The following PKIB variants were observed in gnomAD, a reference collection of about 807,000 sequenced individuals.
The protein encoded by PKIB is cAMP-dependent protein kinase inhibitor beta.
In PKIB, 2 loss-of-function variants were observed where a neutral mutation model predicts 4.5. The observed-to-expected ratio is 0.44, with a 90% CI of 0.18 to 1.39. The LOEUF (loss-of-function observed/expected upper bound fraction) is 1.39, where lower values mean the gene tolerates loss of function less well. Among genes scored for constraint, PKIB ranks in the 40% most tolerant of loss-of-function variants. PKIB has a pLI of 0.27. For missense variants in PKIB, 94 were observed against 92.6 expected (o/e 1.02, Z -0.06); for synonymous variants, 38 against 36.0 (o/e 1.06, Z -0.20).
At chr6:122,473,444 C>T (rs1775364224) in intron 1 of PKIB, among the ~76,000 whole-genome samples, 2 of 152,070 alleles carry the variant, frequency 1.3e-5, no homozygotes, top group African/African-American at 4.8e-5. Context: ...GAGTTAAATA[C>T]AAAAGTCATA....
At chr6:122,690,928 A>AT (rs1191940583) in intron 3 of PKIB, among the ~76,000 whole-genome samples, 32 of 93,128 alleles carry the variant, frequency 3.4e-4, no homozygotes, top group African/African-American at 1.0e-3. Flanking sequence ...ATATATATAT[A>AT]TATATTTTTT....
At chr6:122,567,936 G>T (rs1773241590) in intron 2 of PKIB, among the ~76,000 whole-genome samples, 1 of 152,094 alleles carries the variant, frequency 6.6e-6, no homozygotes, top group Non-Finnish European at 1.5e-5. Context: ...GTTTAAAGTT[G>T]CATTACAGTT....
At chr6:122,659,009 A>C (rs1234684711) in intron 2 of PKIB, among the ~76,000 whole-genome samples, 1 of 151,904 alleles carries the variant, frequency 6.6e-6, no homozygotes, top group Non-Finnish European at 1.5e-5. Context: ...ATTATTAATC[A>C]AAGCAACTTT....
At chr6:122,622,787 G>A (rs535370965) in intron 1 of PKIB, among the ~76,000 whole-genome samples, 300 of 149,022 alleles carry the variant, frequency 2.0e-3, no homozygotes, top group African/African-American at 7.0e-3. Flanking sequence ...TTCTTAGTAA[G>A]TATCTGACCT....
At chr6:122,663,854 A>C (rs1004938538) in intron 2 of PKIB, among the ~76,000 whole-genome samples, 2 of 152,202 alleles carry the variant, frequency 1.3e-5, no homozygotes, top group African/African-American at 4.8e-5. Context: ...GATGCAACCC[A>C]TAACACCATA....
At chr6:122,510,601 G>A (rs867254838) in intron 2 of PKIB, among the ~76,000 whole-genome samples, 22 of 152,288 alleles carry the variant, frequency 1.4e-4, no homozygotes, top group East Asian at 1.9e-4. Flanking sequence ...GAATTACAGC[G>A]TTGACTGCTT....
chr6:122,494,449 A>G (rs1294172457), intron 2 of PKIB, among the ~76,000 whole-genome samples: 1 of 152,228 alleles, frequency 6.6e-6, no homozygotes, highest in African/African-American at 2.4e-5. Flanking sequence ...GCTATGGCAC[A>G]AGGGTTTAAA....
intron 2 of PKIB, among the ~76,000 whole-genome samples, chr6:122,663,743 C>A (rs1372739139): frequency 3.9e-5 from 6 of 152,172 alleles, no homozygotes; most frequent in Non-Finnish European, 8.8e-5. Flanking sequence ...TCCAGTGTGA[C>A]CTCATCTTAA....
chr6:122,566,618 C>T (rs1395709046), intron 2 of PKIB, among the ~76,000 whole-genome samples: 1 of 148,412 alleles, frequency 6.7e-6, no homozygotes, highest in African/African-American at 2.5e-5. Context: ...TAATTCCTCC[C>T]TTCCTCCCTT....
At chr6:122,686,946 C>T (rs1381719418) in intron 3 of PKIB, among the ~76,000 whole-genome samples, 1 of 152,066 alleles carries the variant, frequency 6.6e-6, no homozygotes, top group Admixed American at 6.6e-5. Context: ...TGTTTCCTTT[C>T]CTGTGAAGAA....
chr6:122,722,617 T>C (rs1329718759), intron 4 of PKIB, among the ~76,000 whole-genome samples: 2 of 152,238 alleles, frequency 1.3e-5, no homozygotes, highest in African/African-American at 4.8e-5. Context: ...TTGTATTTCA[T>C]ATGGTTATAG....
intron 2 of PKIB, among the ~76,000 whole-genome samples, chr6:122,534,522 G>T (rs974402644): frequency 6.6e-6 from 1 of 152,142 alleles, no homozygotes; most frequent in Non-Finnish European, 1.5e-5. Flanking sequence ...ACATGGCACT[G>T]TGGTAGAAGG....
chr6:122,479,914 T>C (rs1490217154), intron 2 of PKIB: 1 of 152,056 alleles, frequency 6.6e-6, no homozygotes, highest in African/African-American at 2.4e-5. Context: ...AGTGAAAAGG[T>C]CCAACAGAGC....
At chr6:122,693,835 G>C (rs772364479) in intron 3 of PKIB, among the ~76,000 whole-genome samples, 2 of 152,154 alleles carry the variant, frequency 1.3e-5, no homozygotes, top group African/African-American at 2.4e-5. Flanking sequence ...AACTGATTTA[G>C]TGGTGAACTT....
rs1210629019 is a variant in PKIB at position 122,690,932 on chromosome 6, A to ATT, written c.-9+15802_-9+15803dup. 3.8e-3 allele frequency among the ~76,000 whole-genome samples: 521 copies of ATT among 138,750 alleles called. 4 individuals are homozygous for ATT. The highest frequency in any genetic ancestry group is 0.011 in the Middle Eastern group (3 of 268). The allele number at this position is 138,750 out of a possible 152,430, so 91.0% of individuals were successfully genotyped here. ...GCTTGAAGGATATATATATATATATATTTTTTTTTTTTTTTGCCAAATATA... is the reference window on the plus strand; with the variant it reads ...GCTTGAAGGATATATATATATATATATTTTTTTTTTTTTTTTTGCCAAATATA... On this transcript the variant is annotated intron_variant, in intron 3 of 4. Coordinates refer to ENST00000368452, the MANE Select transcript of PKIB (RefSeq NM_181795.3).
At chr6:122,491,918 C>T (rs1438198063) in intron 2 of PKIB, among the ~76,000 whole-genome samples, 1 of 152,114 alleles carries the variant, frequency 6.6e-6, no homozygotes, top group Admixed American at 6.6e-5. Flanking sequence ...TTACAGTCAG[C>T]AAATTTTCTT....
chr6:122,503,729 C>A (rs1776314990), intron 2 of PKIB, among the ~76,000 whole-genome samples: 1 of 152,130 alleles, frequency 6.6e-6, no homozygotes, highest in Admixed American at 6.5e-5. Flanking sequence ...TTTCCCAGGA[C>A]CAGAGCAATG....
intron 2 of PKIB, among the ~76,000 whole-genome samples, chr6:122,660,510 C>G (rs1338480747): frequency 6.6e-6 from 1 of 152,136 alleles, no homozygotes; most frequent in Non-Finnish European, 1.5e-5. Context: ...GTTCTCCATG[C>G]TTGGATCTCA....
intron 2 of PKIB, among the ~76,000 whole-genome samples, chr6:122,650,718 G>T (rs1035119494): frequency 1.3e-5 from 2 of 152,154 alleles, no homozygotes; most frequent in Non-Finnish European, 2.9e-5. Flanking sequence ...CTTTAAGGGT[G>T]CTGGGGCCCC....
Sources: gnomAD v4.1 joint callset for allele counts (sites outside exome capture counted in the v4.1 genomes callset) on GRCh38, gnomAD v4.1.1 for gene constraint, MANE v1.5 for transcripts, NCBI Gene and HGNC (gene_info 2026-07-23, HGNC 2026-07-21) for gene names.